SLC18A1: variants seen among roughly 807,000 people sequenced by gnomAD.
SLC18A1 encodes the protein chromaffin granule amine transporter.
In SLC18A1, 69 loss-of-function variants were observed where a neutral mutation model predicts 53.7. The observed-to-expected ratio is 1.28, with a 90% CI of 1.06 to 1.57. SLC18A1 has a LOEUF of 1.57. Among genes scored for constraint, SLC18A1 ranks in the 40% most tolerant of loss-of-function variants. The pLI is 0.00. For missense variants in SLC18A1, 932 were observed against 668.1 expected (o/e 1.40, Z -4.35); for synonymous variants, 320 against 248.1 (o/e 1.29, Z -2.72).
At chr8:20,151,031 G>C (rs370012278) in intron 10 of SLC18A1, 21 of 369,376 alleles carry the variant, frequency 5.7e-5, no homozygotes, top group African/African-American at 3.5e-4. Flanking sequence ...GAGTGCAGTG[G>C]TACAATCTCA....
At chr8:20,160,706 G>A (rs1257845473) in intron 10 of SLC18A1, among the ~76,000 whole-genome samples, 36 of 152,084 alleles carry the variant, frequency 2.4e-4, no homozygotes, top group Admixed American at 2.2e-3. Flanking sequence ...TTTTGCTGCT[G>A]TAACATATTA....
chr8:20,180,762 G>C, intron 2 of SLC18A1, 79 bp downstream of exon 2: 1 of 1,557,424 alleles, frequency 6.4e-7, no homozygotes, highest in Non-Finnish European at 8.8e-7. Flanking sequence ...TGGATTCACT[G>C]TTGAACTCAA....
At chr8:20,160,833 G>A (rs1285895997) in intron 10 of SLC18A1, among the ~76,000 whole-genome samples, 1 of 152,092 alleles carries the variant, frequency 6.6e-6, no homozygotes. Flanking sequence ...GGGACTTCTT[G>A]TTGGGTCATA....
Position 20,179,099 on chromosome 8 carries a change from GGCAC to G in SLC18A1, c.488+18_488+21del. ...CCTCCTACTCCTGTGTACCCTGCGG[GGCAC>G]TGCACCCAGTGAGATACCTGTTGGT... is the stretch of plus-strand genomic sequence containing the variant. On this transcript the variant is annotated intron_variant, in intron 3 of 15. Coordinates refer to ENST00000276373, the MANE Select transcript of SLC18A1 (RefSeq NM_003053.4). 19 of 1,597,376 alleles carry G rather than the reference GGCAC, an allele frequency of 1.2e-5. No homozygotes were observed. Among genetic ancestry groups the G allele is most frequent in the Non-Finnish European group, 1.6e-5 (19 of 1,170,550 alleles).
intron 10 of SLC18A1, among the ~76,000 whole-genome samples, chr8:20,158,473 C>T (rs112409467): frequency 0.05 from 7,643 of 152,146 alleles, 296 homozygotes; most frequent in Non-Finnish European, 0.076. Context: ...GAAGTCTGGG[C>T]AACAGAAGGA....
chr8:20,147,491 A>T, intron 14 of SLC18A1, 100 bp from the exon 15 acceptor site: 1 of 1,570,044 alleles, frequency 6.4e-7, no homozygotes, highest in South Asian at 1.2e-5. Context: ...GACCCAGAGG[A>T]TGTCTCAGCG....
intron 12 of SLC18A1, among the ~76,000 whole-genome samples, chr8:20,148,929 A>G (rs952699340): frequency 2.6e-5 from 4 of 152,150 alleles, no homozygotes; most frequent in African/African-American, 7.2e-5. Flanking sequence ...CCCTCTCTAC[A>G]TAGATGAGGA....
chr8:20,167,083 C>G (rs1016599241), intron 8 of SLC18A1, among the ~76,000 whole-genome samples: 1 of 149,718 alleles, frequency 6.7e-6, no homozygotes, highest in African/African-American at 2.5e-5. Flanking sequence ...GCATCTTGAA[C>G]AGACTAAGAT....
At chr8:20,167,732 T>G (rs551894259) in intron 8 of SLC18A1, among the ~76,000 whole-genome samples, 147 of 152,222 alleles carry the variant, frequency 9.7e-4, no homozygotes, top group African/African-American at 3.5e-3. Flanking sequence ...GCCATTCTCC[T>G]GCCTCAGCCT....
At chr8:20,147,109 A>T in intron 15 of SLC18A1, 149 bp downstream of exon 15, 2 of 791,528 alleles carry the variant, frequency 2.5e-6, no homozygotes, top group Non-Finnish European at 3.8e-6. Flanking sequence ...AAATATGAAG[A>T]TGAAAGGGGA....
intron 4 of SLC18A1, chr8:20,175,318 C>A (rs2410637): frequency 0.27 from 41,513 of 152,114 alleles, 6,812 homozygotes; most frequent in Non-Finnish European, 0.37. Flanking sequence ...TTAACGCAAT[C>A]CTCACAGGGT....
chr8:20,160,792 T>C (rs1437620873), intron 10 of SLC18A1, among the ~76,000 whole-genome samples: 1 of 152,162 alleles, frequency 6.6e-6, no homozygotes, highest in African/African-American at 2.4e-5. Flanking sequence ...CGCAAGTGCA[T>C]GGCACCAGCA....
intron 7 of SLC18A1, 97 bp downstream of exon 7, chr8:20,171,308 C>G: frequency 1.5e-6 from 2 of 1,330,982 alleles, no homozygotes; most frequent in Non-Finnish European, 2.2e-6. Context: ...AAAACATGTC[C>G]AAACCGCCCA....
chr8:20,169,710 C>T (rs2072061911), intron 8 of SLC18A1, among the ~76,000 whole-genome samples: 1 of 152,058 alleles, frequency 6.6e-6, no homozygotes, highest in African/African-American at 2.4e-5. Context: ...GAAATCCTGT[C>T]TCTACTAAAA....
At chr8:20,171,263 T>C in intron 7 of SLC18A1, 117 bp from the exon 8 acceptor site, 2 of 1,368,396 alleles carry the variant, frequency 1.5e-6, no homozygotes, top group Non-Finnish European at 2.1e-6. Flanking sequence ...GAGTTTCTTC[T>C]TTCTTTTCTA....
At chr8:20,155,506 A>C (rs1011966134) in intron 10 of SLC18A1, among the ~76,000 whole-genome samples, 7 of 152,172 alleles carry the variant, frequency 4.6e-5, no homozygotes, top group Non-Finnish European at 8.8e-5. Context: ...CTAGAGGCAG[A>C]AAGCTGTCAT....
chr8:20,145,827 T>C lies in SLC18A1; in HGVS notation c.1514A>G (p.Gln505Arg). The stretch of plus-strand genomic sequence containing the variant: ...CAGAGGAAATTCCTTCGTGGGCTTC[T>C]GGGTTGCATACATCCGGGTCTCCAT... ...CPMETRMYAT[Q>R]KPTKEFPLGE... Residue 505 changes from glutamine to arginine, a missense_variant, in exon 16 of 16, where the codon CAG becomes CGG. Gln to Arg is a conservative substitution (Grantham distance 43, BLOSUM62 1). Coordinates refer to ENST00000276373, the MANE Select transcript of SLC18A1 (RefSeq NM_003053.4). 6.2e-7 allele frequency: 1 copy of C among 1,612,362 alleles called. No individual in the cohort carries two copies.
chr8:20,153,995 C>T (rs540268694), intron 10 of SLC18A1, among the ~76,000 whole-genome samples: 1 of 152,218 alleles, frequency 6.6e-6, no homozygotes, highest in Admixed American at 6.5e-5. Context: ...GGTGCTGTCC[C>T]CATCCTCACG....
intron 10 of SLC18A1, among the ~76,000 whole-genome samples, chr8:20,158,502 A>T (rs1204323510): frequency 6.6e-6 from 1 of 152,126 alleles, no homozygotes; most frequent in African/African-American, 2.4e-5. Context: ...AGGAGCGAAG[A>T]ATGCCCGTCC....
Sources: allele counts gnomAD v4.1 joint callset (sites outside exome capture counted in the v4.1 genomes callset), GRCh38; gene constraint gnomAD v4.1.1; transcripts MANE v1.5; gene names NCBI Gene and HGNC (gene_info 2026-07-23, HGNC 2026-07-21).